Variants in GPC6 observed in about 807,000 individuals in gnomAD.
GPC6 encodes the protein glypican 6.
GPC6 carries 14 observed loss-of-function variants against 55.2 expected under a neutral mutation model. The observed-to-expected ratio is 0.25, with a 90% CI of 0.17 to 0.40. The LOEUF (loss-of-function observed/expected upper bound fraction) is 0.40, where lower values mean the gene tolerates loss of function less well. Among genes scored for constraint, GPC6 ranks in the 10% least tolerant of loss-of-function variants. The pLI is 1.00. For synonymous variants in GPC6, 278 were observed against 259.6 expected (o/e 1.07, Z -0.68); for missense variants, 641 against 708.5 (o/e 0.90, Z 1.08).
At chr13:93,874,215 C>T (rs1889219514) in intron 3 of GPC6, among the ~76,000 whole-genome samples, 1 of 151,856 alleles carries the variant, frequency 6.6e-6, no homozygotes, top group Non-Finnish European at 1.5e-5. Flanking sequence ...CCATCTGCTA[C>T]CCTCAAGCAG....
chr13:93,877,437 TTTAA>T (rs1464514388), intron 3 of GPC6, among the ~76,000 whole-genome samples: 3 of 147,582 alleles, frequency 2.0e-5, no homozygotes, highest in Admixed American at 2.0e-4. Flanking sequence ...AAATAAACAT[TTTAA>T]TTAAAAAATA....
chr13:94,370,396 C>G (rs747737064), intron 6 of GPC6, among the ~76,000 whole-genome samples: 17 of 152,176 alleles, frequency 1.1e-4, no homozygotes, highest in Non-Finnish European at 2.4e-4. Flanking sequence ...TGTTCCTTGT[C>G]TGTTACCCCT....
At chr13:94,204,760 A>G (rs1469722407) in intron 4 of GPC6, among the ~76,000 whole-genome samples, 3 of 152,208 alleles carry the variant, frequency 2.0e-5, no homozygotes, top group African/African-American at 7.2e-5. Flanking sequence ...AGAATTAATC[A>G]TATTCCAATT....
chr13:93,890,715 AAT>A (rs1491420251), intron 3 of GPC6, among the ~76,000 whole-genome samples: 28 of 126,434 alleles, frequency 2.2e-4, no homozygotes, highest in African/African-American at 9.6e-4. Flanking sequence ...AATTTTACTT[AAT>A]TTTTTTTTTT....
At chr13:93,992,867 G>C (rs758895084) in intron 3 of GPC6, among the ~76,000 whole-genome samples, 51 of 152,156 alleles carry the variant, frequency 3.4e-4, no homozygotes, top group Non-Finnish European at 5.1e-4. Flanking sequence ...TAAGTGCTAG[G>C]CTTCATTTTC....
intron 1 of GPC6, among the ~76,000 whole-genome samples, chr13:93,255,196 CTATT>C (rs1224396094): frequency 1.3e-5 from 2 of 152,064 alleles, no homozygotes; most frequent in Non-Finnish European, 2.9e-5. Flanking sequence ...TTTTTTTCTT[CTATT>C]TATTTATTTT....
intron 5 of GPC6, among the ~76,000 whole-genome samples, chr13:94,288,536 C>A (rs1050418458): frequency 2.0e-5 from 3 of 151,242 alleles, no homozygotes; most frequent in Non-Finnish European, 4.4e-5. Context: ...ACCTTCTAAC[C>A]TTGTTTAATA....
At chr13:93,507,061 CAAAAAAAAAAAA>C (rs56368708) in intron 1 of GPC6, among the ~76,000 whole-genome samples, 1 of 52,126 alleles carries the variant, frequency 1.9e-5, no homozygotes, top group African/African-American at 8.2e-5. Flanking sequence ...GACTCCGTCT[CAAAAAAAAAAAA>C]AAAAAAAAAA....
intron 4 of GPC6, among the ~76,000 whole-genome samples, chr13:94,113,100 T>C (rs1886309162): frequency 6.6e-6 from 1 of 152,148 alleles, no homozygotes; most frequent in Non-Finnish European, 1.5e-5. Context: ...TTCTCAGGCC[T>C]TGGAATACAT....
At chr13:93,716,535 A>G (rs1393809990) in intron 2 of GPC6, among the ~76,000 whole-genome samples, 2 of 151,700 alleles carry the variant, frequency 1.3e-5, no homozygotes, top group Non-Finnish European at 3.0e-5. Context: ...AAAAGGATAT[A>G]GAGTTGGGAT....
Position 93,351,117 on chromosome 13 carries a change from T to C in GPC6, c.160+123501T>C, listed in dbSNP as rs1010878005. On this transcript the variant is annotated intron_variant, in intron 1 of 8. Transcript: ENST00000377047. ...ACAGAAAGTAAAAAGACATTTTCTATAATAAAACAGTGGTATTATGCTTAA... is the reference window on the plus strand; with the variant it reads ...ACAGAAAGTAAAAAGACATTTTCTACAATAAAACAGTGGTATTATGCTTAA... 5.3e-5 allele frequency among the ~76,000 whole-genome samples: 8 copies of C among 152,142 alleles called. No individual in the cohort carries two copies. The East Asian group carries it at 1.4e-3, about 26-fold the overall frequency.
At chr13:93,929,214 G>A (rs1878027066) in intron 3 of GPC6, among the ~76,000 whole-genome samples, 1 of 152,176 alleles carries the variant, frequency 6.6e-6, no homozygotes, top group Non-Finnish European at 1.5e-5. Context: ...AGTCTGATTA[G>A]CACTTGAACT....
At chr13:93,594,832 C>G (rs1877653330) in intron 2 of GPC6, among the ~76,000 whole-genome samples, 1 of 151,282 alleles carries the variant, frequency 6.6e-6, no homozygotes, top group Admixed American at 6.6e-5. Flanking sequence ...AAGGGGCAAA[C>G]TAGATCCCTT....
chr13:93,611,903 C>G (rs756992656), intron 2 of GPC6, among the ~76,000 whole-genome samples: 1 of 152,082 alleles, frequency 6.6e-6, no homozygotes, highest in Non-Finnish European at 1.5e-5. Flanking sequence ...TTACATAGGG[C>G]AAATTTAATT....
chr13:93,719,941 T>C (rs966536319), intron 2 of GPC6, among the ~76,000 whole-genome samples: 1 of 152,132 alleles, frequency 6.6e-6, no homozygotes, highest in Non-Finnish European at 1.5e-5. Context: ...GCCGACTTGA[T>C]CATGGTGGAT....
intron 6 of GPC6, among the ~76,000 whole-genome samples, chr13:94,360,974 T>C (rs1566718623): frequency 6.6e-6 from 1 of 152,282 alleles, no homozygotes; most frequent in East Asian, 1.9e-4. Flanking sequence ...AACAATAAGA[T>C]AGGAGTGATG....
intron 1 of GPC6, among the ~76,000 whole-genome samples, chr13:93,305,012 G>A (rs1372338553): frequency 6.6e-6 from 1 of 152,174 alleles, no homozygotes; most frequent in Non-Finnish European, 1.5e-5. Flanking sequence ...ATCCACAACA[G>A]GATCATTCTC....
chr13:93,429,867 T>C (rs1877289698), intron 1 of GPC6, among the ~76,000 whole-genome samples: 1 of 152,142 alleles, frequency 6.6e-6, no homozygotes, highest in Non-Finnish European at 1.5e-5. Context: ...GCCAGGATTG[T>C]ACTTCCTCGG....
At chr13:94,212,318 C>A (rs1890103841) in intron 4 of GPC6, among the ~76,000 whole-genome samples, 1 of 152,160 alleles carries the variant, frequency 6.6e-6, no homozygotes, top group Admixed American at 6.5e-5. Context: ...CAACCCCTAG[C>A]CAAGAGTACT....
Sources: gnomAD v4.1 joint callset for allele counts (sites outside exome capture counted in the v4.1 genomes callset) on GRCh38, gnomAD v4.1.1 for gene constraint, MANE v1.5 for transcripts, NCBI Gene and HGNC (gene_info 2026-07-23, HGNC 2026-07-21) for gene names.